COL6A6: variants seen among roughly 807,000 people sequenced by gnomAD.
COL6A6 encodes the protein collagen alpha-6(VI) chain.
In COL6A6, 183 loss-of-function variants were observed where a neutral mutation model predicts 208.6. The ratio of observed to expected loss-of-function variants is 0.88; its 90% CI spans 0.78 to 0.99. The LOEUF (loss-of-function observed/expected upper bound fraction) is 0.99, where lower values mean the gene tolerates loss of function less well. Ranked by LOEUF, COL6A6 falls within the 50% of genes least tolerant of loss-of-function variation. The pLI is 0.00. For synonymous variants in COL6A6, 973 were observed against 1,011.8 expected, an observed-to-expected ratio of 0.96 and a Z score of 0.73; for missense variants, 2,816 against 2,815.2, an observed-to-expected ratio of 1.00 and a Z score of -0.01.
At chr3:130,530,986 C>G (rs540001282) in intron 1 of COL6A6, among the ~76,000 whole-genome samples, 2 of 151,524 alleles carry the variant, frequency 1.3e-5, no homozygotes, top group Non-Finnish European at 2.9e-5. Flanking sequence ...CTTGAAGTCT[C>G]TCTTTCTCTC....
chr3:130,608,459 A>G (rs982583574), intron 21 of COL6A6, among the ~76,000 whole-genome samples: 1 of 152,188 alleles, frequency 6.6e-6, no homozygotes, highest in Non-Finnish European at 1.5e-5. Flanking sequence ...TTCAAGAACA[A>G]TATGAAGAGA....
chr3:130,536,368 C>T (rs1422404050), intron 1 of COL6A6, among the ~76,000 whole-genome samples: 1 of 152,228 alleles, frequency 6.6e-6, no homozygotes, highest in African/African-American at 2.4e-5. Flanking sequence ...GGGTCAGGCA[C>T]TGTTCCAGAC....
At chr3:130,531,597 TC>T (rs1325709710) in intron 1 of COL6A6, among the ~76,000 whole-genome samples, 1 of 152,180 alleles carries the variant, frequency 6.6e-6, no homozygotes, top group Admixed American at 6.5e-5. Context: ...ATAACCTGCC[TC>T]CCCCTTGAGC....
chr3:130,574,427 G>A lies in COL6A6; in HGVS notation c.3449G>A (p.Gly1150Glu), dbSNP rs373338931. The change falls in exon 8 of 37, where the codon GGG (glycine) becomes GAG (glutamate). Residue 1150 changes from glycine to glutamate, a missense_variant. By Grantham distance (98) the Gly-to-Glu change is moderately conservative. Transcript: ENST00000358511. ...VDDQQLIQIT[G>E]TAEKKLTVHN... ...GACCAGCAGCTCATTCAGATCACCG[G>A]GACTGCAGAGAAAAAACTGACAGTG... 4 of 1,613,850 alleles carry A rather than the reference G, an allele frequency of 2.5e-6. No individual in the cohort carries two copies. In the African/African-American group the frequency reaches 4.0e-5, roughly 16 times the overall value.
At chr3:130,662,375 A>C in intron 35 of COL6A6, 67 bp downstream of exon 35, 1 of 1,423,712 alleles carries the variant, frequency 7.0e-7, no homozygotes, top group African/African-American at 1.4e-5. Flanking sequence ...AAAAAGGTTG[A>C]TGAGCTAACA....
intron 12 of COL6A6, chr3:130,590,081 T>G (rs566872921): frequency 2.4e-6 from 1 of 415,414 alleles, no homozygotes; most frequent in Non-Finnish European, 4.8e-6. Context: ...CTTAAAAGAT[T>G]TTTTAATAAA....
intron 1 of COL6A6, among the ~76,000 whole-genome samples, chr3:130,547,683 A>G (rs1226633138): frequency 2.0e-5 from 3 of 152,228 alleles, no homozygotes; most frequent in Non-Finnish European, 4.4e-5. Context: ...TTTGATGTCT[A>G]GTATTTCTTT....
At chr3:130,640,006 C>G (rs927039123) in intron 28 of COL6A6, among the ~76,000 whole-genome samples, 7 of 152,336 alleles carry the variant, frequency 4.6e-5, no homozygotes, top group African/African-American at 1.7e-4. Context: ...AGGTTCTCAA[C>G]TCAGCCTGGA....
intron 18 of COL6A6, 146 bp from the exon 19 acceptor site, chr3:130,598,219 G>A (rs2063903746): frequency 6.8e-6 from 4 of 585,694 alleles, no homozygotes; most frequent in African/African-American, 1.9e-5. Context: ...ATACTTGTAA[G>A]CCATCTGTAA....
rs762689092 is a variant in COL6A6 at position 130,586,670 on chromosome 3, T to C, written c.4125+10T>C. 5.0e-6 allele frequency: 8 copies of C among 1,609,546 alleles called. No homozygotes were observed. The highest frequency in any genetic ancestry group is 4.2e-6 in the Non-Finnish European group (5 of 1,178,420). On this transcript the variant is annotated intron_variant, in intron 11 of 36. Coordinates refer to ENST00000358511, the MANE Select transcript of COL6A6 (RefSeq NM_001102608.3). ...GCTGTCAAAGCAGCTGGTAAGTTAT[T>C]CTGAAAAGGCTGGTGAGCTTAAATT...
At chr3:130,642,308 G>T (rs543473279) in intron 29 of COL6A6, among the ~76,000 whole-genome samples, 1 of 149,210 alleles carries the variant, frequency 6.7e-6, no homozygotes, top group Admixed American at 6.7e-5. Context: ...TGGGAAGGTA[G>T]TTGAGATAAC....
intron 32 of COL6A6, among the ~76,000 whole-genome samples, chr3:130,648,295 G>A (rs1354868688): frequency 6.6e-6 from 1 of 152,208 alleles, no homozygotes; most frequent in Non-Finnish European, 1.5e-5. Flanking sequence ...TTTTAGTGAT[G>A]TATTTCTCAC....
At chr3:130,596,845 A>G (rs184539314) in intron 18 of COL6A6, among the ~76,000 whole-genome samples, 1 of 152,322 alleles carries the variant, frequency 6.6e-6, no homozygotes, top group East Asian at 1.9e-4. Flanking sequence ...ATATTGGGGG[A>G]AAACAGTTAA....
chr3:130,602,139 G>A (rs1445874246), intron 20 of COL6A6, among the ~76,000 whole-genome samples: 1 of 152,202 alleles, frequency 6.6e-6, no homozygotes, highest in Non-Finnish European at 1.5e-5. Flanking sequence ...AGAAGTAACA[G>A]TGTCTATCAC....
At chr3:130,526,401 C>T (rs1440967254) in intron 1 of COL6A6, among the ~76,000 whole-genome samples, 7 of 152,012 alleles carry the variant, frequency 4.6e-5, no homozygotes, top group African/African-American at 1.4e-4. Context: ...ATGGGCATGG[C>T]TCACATCATT....
At chr3:130,586,710 A>C in intron 11 of COL6A6, 50 bp downstream of exon 11, 1 of 1,550,906 alleles carries the variant, frequency 6.4e-7, no homozygotes, top group South Asian at 1.2e-5. Flanking sequence ...ATTATTTTGT[A>C]TATAAGTTTA....
At chr3:130,582,200 G>A in intron 10 of COL6A6, 132 bp downstream of exon 10, 1 of 621,026 alleles carries the variant, frequency 1.6e-6, no homozygotes, top group South Asian at 2.1e-5. Context: ...TATTCTGTAT[G>A]TACTAGGCAG....
chr3:130,563,149 T>G lies in COL6A6; in HGVS notation c.146T>G (p.Phe49Cys), dbSNP rs2062932797. The G allele has an allele frequency of 5.6e-6, 9 of 1,614,010 alleles. No homozygotes were observed. In the East Asian group the frequency reaches 2.0e-4, roughly 36 times the overall value. The change falls in exon 3 of 37, where the codon TTC (phenylalanine) becomes TGC (cysteine). Residue 49 changes from phenylalanine to cysteine, a missense_variant. Coordinates refer to ENST00000358511, the MANE Select transcript of COL6A6 (RefSeq NM_001102608.3). ...GSKSFPFVKM[F>C]ITKMISSLPI... is the part of the protein sequence containing the mutation. ...AAGTCCTTCCCATTTGTGAAAATGT[T>G]CATCACCAAAATGATCAGCAGTCTC...
intron 36 of COL6A6, among the ~76,000 whole-genome samples, chr3:130,666,082 A>G (rs1206393237): frequency 3.3e-5 from 5 of 152,204 alleles, no homozygotes; most frequent in Non-Finnish European, 5.9e-5. Flanking sequence ...TGTTTTTCAG[A>G]ACACCTTGCC....
Sources: gnomAD v4.1 joint callset for allele counts (sites outside exome capture counted in the v4.1 genomes callset) on GRCh38, gnomAD v4.1.1 for gene constraint, MANE v1.5 for transcripts, NCBI Gene and HGNC (gene_info 2026-07-23, HGNC 2026-07-21) for gene names.